DDC: variants seen among roughly 807,000 people sequenced by gnomAD.
DDC encodes the protein aromatic-L-amino-acid decarboxylase.
A neutral mutation model predicts 60.0 loss-of-function variants in DDC; 43 were observed. That is an observed-to-expected ratio of 0.72 (90% CI 0.56 to 0.92). The LOEUF is 0.92. DDC is among the 40% of genes least tolerant of loss of function. The pLI is 0.00. For missense variants in DDC, 573 were observed against 620.2 expected (o/e 0.92, Z 0.81); for synonymous variants, 232 against 234.6 (o/e 0.99, Z 0.10).
intron 11 of DDC, among the ~76,000 whole-genome samples, chr7:50,470,570 C>T (rs2042508322): frequency 6.6e-6 from 1 of 152,196 alleles, no homozygotes; most frequent in Admixed American, 6.5e-5. Flanking sequence ...TCATTGATGT[C>T]CTTGCCTACG....
chr7:50,476,066 C>G (rs1285360326), intron 11 of DDC, among the ~76,000 whole-genome samples: 1 of 152,182 alleles, frequency 6.6e-6, no homozygotes, highest in Non-Finnish European at 1.5e-5. Flanking sequence ...CACCCTCCCC[C>G]TTGGGTTCTA....
intron 6 of DDC, among the ~76,000 whole-genome samples, chr7:50,525,819 G>A (rs1410943351): frequency 6.6e-6 from 1 of 151,808 alleles, no homozygotes. Context: ...AGAATTATGA[G>A]CATGACATAT....
At chr7:50,489,443 T>G (rs918330721) in intron 9 of DDC, among the ~76,000 whole-genome samples, 4 of 152,258 alleles carry the variant, frequency 2.6e-5, no homozygotes, top group African/African-American at 9.6e-5. Context: ...TTAAGGTTAT[T>G]ATATCCATAT....
In DDC at chr7:50,468,042, C is replaced by T. The variant is rs569079998; in HGVS notation, c.1141-727G>A. Among the ~76,000 whole-genome samples, 11 of 152,402 alleles carry T rather than the reference C, an allele frequency of 7.2e-5. No individual in the cohort carries two copies. The South Asian group carries it at 1.0e-3, about 14-fold the overall frequency. On this transcript the variant is annotated intron_variant, in intron 12 of 14. Transcript: ENST00000444124. The stretch of plus-strand genomic sequence containing the variant: ...ATGTGATCCTAGGAGAAGGAGCCCT[C>T]CGTGGCGTAGGCCCGTGCCTTGCTC...
chr7:50,559,213 C>T (rs924386778), intron 1 of DDC, among the ~76,000 whole-genome samples: 2 of 152,120 alleles, frequency 1.3e-5, no homozygotes, highest in East Asian at 1.9e-4. Context: ...CCTCTCAGCC[C>T]GCACAGCTCA....
intron 10 of DDC, among the ~76,000 whole-genome samples, chr7:50,477,182 T>C (rs2042664681): frequency 6.6e-6 from 1 of 152,198 alleles, no homozygotes; most frequent in African/African-American, 2.4e-5. Flanking sequence ...AATCATTGGC[T>C]CCACATTGGT....
intron 1 of DDC, among the ~76,000 whole-genome samples, chr7:50,553,942 A>T (rs1237540698): frequency 4.6e-5 from 7 of 152,194 alleles, no homozygotes. Context: ...CCTCAAAAAA[A>T]CATCCTCTAA....
intron 5 of DDC, 140 bp from the exon 6 acceptor site, chr7:50,528,420 G>A: frequency 1.0e-6 from 1 of 969,280 alleles, no homozygotes; most frequent in Non-Finnish European, 1.6e-6. Context: ...GCTCCTGACT[G>A]CTCCCTCTCC....
chr7:50,508,686 A>T (rs2043467103), intron 6 of DDC, among the ~76,000 whole-genome samples: 1 of 152,200 alleles, frequency 6.6e-6, no homozygotes, highest in South Asian at 2.1e-4. Context: ...CCCCTTTGAG[A>T]ATATAATGAA....
At chr7:50,532,107 GTGATTACAGCTC>G (rs1222195002) in intron 4 of DDC, among the ~76,000 whole-genome samples, 1 of 152,224 alleles carries the variant, frequency 6.6e-6, no homozygotes, top group East Asian at 1.9e-4. Context: ...GCCCACAGCT[GTGATTACAGCTC>G]TGAGGGGATC....
At chr7:50,537,024 A>G (rs1377419385) in intron 4 of DDC, among the ~76,000 whole-genome samples, 2 of 139,836 alleles carry the variant, frequency 1.4e-5, no homozygotes, top group African/African-American at 5.3e-5. Flanking sequence ...TTCATATTCC[A>G]TGCTAGGAAG....
intron 9 of DDC, among the ~76,000 whole-genome samples, chr7:50,493,606 A>G (rs2043057551): frequency 6.6e-6 from 1 of 152,224 alleles, no homozygotes; most frequent in South Asian, 2.1e-4. Flanking sequence ...ACCTTGGGTG[A>G]AACAGAAAAA....
At chr7:50,501,614 T>C (rs546628814) in intron 7 of DDC, among the ~76,000 whole-genome samples, 1 of 152,342 alleles carries the variant, frequency 6.6e-6, no homozygotes, top group African/African-American at 2.4e-5. Context: ...TAATCATATA[T>C]AGAATAAGGT....
chr7:50,472,005 C>T (rs2042543826), intron 11 of DDC, among the ~76,000 whole-genome samples: 1 of 152,176 alleles, frequency 6.6e-6, no homozygotes, highest in African/African-American at 2.4e-5. Flanking sequence ...TCTGTGGTCC[C>T]GGAGTGAAAA....
At chr7:50,550,867 C>CT (rs2044970893) in intron 1 of DDC, among the ~76,000 whole-genome samples, 1 of 152,156 alleles carries the variant, frequency 6.6e-6, no homozygotes, top group African/African-American at 2.4e-5. Flanking sequence ...AGATATTTTC[C>CT]TTTCACAAGA....
chr7:50,482,677 A>G (rs969556113), intron 9 of DDC, among the ~76,000 whole-genome samples: 5 of 152,208 alleles, frequency 3.3e-5, no homozygotes, highest in African/African-American at 1.2e-4. Context: ...CTTTATGAAC[A>G]TATCATCCTA....
chr7:50,520,240 C>T (rs2043854407), intron 6 of DDC, among the ~76,000 whole-genome samples: 1 of 152,256 alleles, frequency 6.6e-6, no homozygotes, highest in Non-Finnish European at 1.5e-5. Context: ...TTCTCACGCT[C>T]ACAATCAACA....
chr7:50,484,238 G>A (rs2042832525), intron 9 of DDC, among the ~76,000 whole-genome samples: 1 of 152,158 alleles, frequency 6.6e-6, no homozygotes, highest in Non-Finnish European at 1.5e-5. Context: ...ACCAACATCT[G>A]GCTTTGTCGA....
In DDC at chr7:50,528,227, G is replaced by T; in HGVS notation, c.624C>A (p.Ala208=). The T allele has an allele frequency of 1.2e-6, 2 of 1,614,156 alleles. No individual in the cohort carries two copies. The highest frequency in any genetic ancestry group is 1.7e-6 in the Non-Finnish European group (2 of 1,180,018). ...AGLIGGVKLK[A]IPSDGNFAMR... ...TGGCGAAGTTGCCATCTGAGGGGAT[G>T]GCTTTTAATTTCACTCCACCAATTA... Residue 208 remains alanine, a synonymous_variant, in exon 6 of 15, where the codon GCC becomes GCA. Transcript: ENST00000444124.
Sources: gnomAD v4.1 joint callset for allele counts (sites outside exome capture counted in the v4.1 genomes callset) on GRCh38, gnomAD v4.1.1 for gene constraint, MANE v1.5 for transcripts, NCBI Gene and HGNC (gene_info 2026-07-23, HGNC 2026-07-21) for gene names.